FOXN3: variants seen among roughly 807,000 people sequenced by gnomAD.
FOXN3 encodes the protein forkhead box protein N3.
FOXN3 carries 7 observed loss-of-function variants against 38.4 expected under a neutral mutation model. The ratio of observed to expected loss-of-function variants is 0.18; its 90% CI spans 0.10 to 0.34. The LOEUF (loss-of-function observed/expected upper bound fraction) is 0.34. Ranked by LOEUF, FOXN3 falls within the 10% of genes least tolerant of loss-of-function variation. The pLI, the probability that FOXN3 is intolerant of heterozygous loss-of-function variation, is 1.00. For synonymous variants in FOXN3, 230 were observed against 242.2 expected, an observed-to-expected ratio of 0.95 and a Z score of 0.47; for missense variants, 456 against 613.4, an observed-to-expected ratio of 0.74 and a Z score of 2.71.
intron 1 of FOXN3, among the ~76,000 whole-genome samples, chr14:89,526,843 CTT>C (rs1330828732): frequency 6.6e-6 from 1 of 151,970 alleles, no homozygotes; most frequent in Non-Finnish European, 1.5e-5. Flanking sequence ...GACTTTAAGA[CTT>C]ATAACACTAT....
At chr14:89,289,941 G>C (rs1415432970) in intron 3 of FOXN3, among the ~76,000 whole-genome samples, 2 of 152,140 alleles carry the variant, frequency 1.3e-5, no homozygotes, top group East Asian at 3.8e-4. Flanking sequence ...GTGATATGAG[G>C]GGAACAGACT....
chr14:89,218,200 G>A (rs1397108272), intron 4 of FOXN3, among the ~76,000 whole-genome samples: 1 of 152,174 alleles, frequency 6.6e-6, no homozygotes, highest in Non-Finnish European at 1.5e-5. Flanking sequence ...GTGTGTGGGT[G>A]GGGATTGGGA....
intron 4 of FOXN3, among the ~76,000 whole-genome samples, 192 bp from the exon 5 acceptor site, chr14:89,180,998 TCA>T (rs767819273): frequency 7.6e-6 from 1 of 132,240 alleles, no homozygotes; most frequent in Admixed American, 7.3e-5. Flanking sequence ...AGACACACAC[TCA>T]CACAGTCATG....
chr14:89,508,024 C>G (rs868171856), intron 1 of FOXN3, among the ~76,000 whole-genome samples: 1 of 152,122 alleles, frequency 6.6e-6, no homozygotes, highest in Admixed American at 6.6e-5. Context: ...ACTCCAGGCT[C>G]GGGACCCAGG....
intron 5 of FOXN3, among the ~76,000 whole-genome samples, chr14:89,176,538 C>G (rs1176678882): frequency 1.3e-5 from 2 of 152,238 alleles, no homozygotes; most frequent in African/African-American, 2.4e-5. Flanking sequence ...CTGTAAACAT[C>G]TGAGCACACA....
intron 1 of FOXN3, among the ~76,000 whole-genome samples, chr14:89,426,165 G>A (rs565228074): frequency 4.1e-4 from 61 of 149,234 alleles, no homozygotes; most frequent in South Asian, 2.8e-3. Flanking sequence ...CACACTGAAT[G>A]ACTCATTTGT....
At position 89,505,923 on chromosome 14, in the gene FOXN3, C is replaced by T. The variant is rs866191912; in HGVS notation, c.-14-93433G>A. Among the ~76,000 whole-genome samples the T allele has an allele frequency of 7.9e-3, 1,186 of 149,568 alleles. 11 individuals carry two copies. Among genetic ancestry groups the T allele is most frequent in the African/African-American group, 0.027 (1,088 of 40,620 alleles). On this transcript the variant is annotated intron_variant, in intron 1 of 6. Transcript: ENST00000345097. ...GATGTGAGGAGCGTCTCTGCCCGGC[C>T]GCCCCGTCTGAGAAGTGAGGAGACC... is the stretch of plus-strand genomic sequence containing the variant.
At chr14:89,609,068 G>A (rs1002770919) in intron 1 of FOXN3, among the ~76,000 whole-genome samples, 2 of 152,198 alleles carry the variant, frequency 1.3e-5, no homozygotes, top group Admixed American at 6.5e-5. Flanking sequence ...GGACCACAGC[G>A]AGTTCAGGGG....
chr14:89,292,928 A>G (rs1886920898), intron 3 of FOXN3, among the ~76,000 whole-genome samples: 1 of 152,046 alleles, frequency 6.6e-6, no homozygotes, highest in Admixed American at 6.5e-5. Context: ...ATACTCTTAA[A>G]AATCCTTTCC....
At chr14:89,374,263 CAAAAAAAAAAAAAAAAAA>C (rs35623770) in intron 2 of FOXN3, among the ~76,000 whole-genome samples, 2 of 48,178 alleles carry the variant, frequency 4.2e-5, no homozygotes, top group Admixed American at 7.1e-4. Context: ...GACCTTGTCT[CAAAAAAAAAAAAAAAAAA>C]AAAAAAAAAG....
intron 1 of FOXN3, among the ~76,000 whole-genome samples, chr14:89,442,869 G>A (rs1892416085): frequency 6.6e-6 from 1 of 152,204 alleles, no homozygotes; most frequent in Non-Finnish European, 1.5e-5. Context: ...ATGGTGAATG[G>A]TCTTAGGTGC....
intron 2 of FOXN3, among the ~76,000 whole-genome samples, chr14:89,397,958 G>A (rs188657697): frequency 6.6e-6 from 1 of 152,282 alleles, no homozygotes; most frequent in African/African-American, 2.4e-5. Flanking sequence ...CTCTGGACAA[G>A]CCACGTCTGA....
chr14:89,308,677 C>G (rs899410894), intron 3 of FOXN3, among the ~76,000 whole-genome samples: 2 of 152,142 alleles, frequency 1.3e-5, no homozygotes, highest in Non-Finnish European at 2.9e-5. Context: ...GCCTAGTTGG[C>G]CTGGCTCAAA....
At position 89,324,394 on chromosome 14, in the gene FOXN3, G is replaced by A. The variant is rs1352491605; in HGVS notation, c.680+26278C>T. On this transcript the variant is annotated intron_variant, in intron 3 of 5. Transcript: ENST00000557258. ...GCCAGAGTGCTGGGAAGCATTAAGA[G>A]AACCACAGCCTAAACATACTGATTT... 2.0e-5 allele frequency among the ~76,000 whole-genome samples: 3 copies of A among 151,970 alleles called. No homozygotes were observed. In the East Asian group the frequency reaches 5.8e-4, roughly 29 times the overall value.
chr14:89,421,219 G>A (rs1430019652), upstream of FOXN3, among the ~76,000 whole-genome samples: 7 of 145,386 alleles, frequency 4.8e-5, no homozygotes, highest in Non-Finnish European at 6.0e-5. Context: ...GCACAATCTC[G>A]GCTCACTGCA....
chr14:89,612,834 A>G (rs1346205075), intron 1 of FOXN3, among the ~76,000 whole-genome samples: 3 of 151,764 alleles, frequency 2.0e-5, no homozygotes. Flanking sequence ...TTAAAAAAAA[A>G]AAAGTCCGGA....
At chr14:89,581,543 G>A (rs977000472) in intron 1 of FOXN3, among the ~76,000 whole-genome samples, 1 of 151,988 alleles carries the variant, frequency 6.6e-6, no homozygotes, top group African/African-American at 2.4e-5. Context: ...AAGTTCCCTG[G>A]GTCACTTGTA....
At chr14:89,366,435 T>C (rs550034812) in intron 2 of FOXN3, among the ~76,000 whole-genome samples, 3 of 152,040 alleles carry the variant, frequency 2.0e-5, no homozygotes, top group Non-Finnish European at 4.4e-5. Flanking sequence ...CGAAATTGCA[T>C]AAGCAAATTA....
In FOXN3 at chr14:89,374,364, G is replaced by A. The variant is rs940586685; in HGVS notation, c.544-23556C>T. Among the ~76,000 whole-genome samples, 4 of 151,278 alleles carry A rather than the reference G, an allele frequency of 2.6e-5. No homozygotes were observed. The East Asian group carries it at 7.8e-4, about 29-fold the overall frequency. ...AGTACAACCACTTTGAAAAACAGTT[G>A]GACAATTTCTTATAAAGTTATACAC... On this transcript the variant is annotated intron_variant, in intron 2 of 5. Coordinates refer to ENST00000557258, the MANE Select transcript of FOXN3 (RefSeq NM_005197.4).
Sources: gnomAD v4.1 joint callset for allele counts (sites outside exome capture counted in the v4.1 genomes callset) on GRCh38, gnomAD v4.1.1 for gene constraint, MANE v1.5 for transcripts, NCBI Gene and HGNC (gene_info 2026-07-23, HGNC 2026-07-21) for gene names.